Variants in ANKRD18A observed in about 807,000 individuals in gnomAD.
ANKRD18A encodes ankyrin repeat domain-containing protein 18A.
In ANKRD18A, 72 loss-of-function variants were observed where a neutral mutation model predicts 110.6. That is an observed-to-expected ratio of 0.65 (90% CI 0.54 to 0.79). ANKRD18A has a LOEUF of 0.79. Among genes scored for constraint, ANKRD18A ranks in the 30% least tolerant of loss-of-function variants. The pLI is 0.00. For missense variants in ANKRD18A, 934 were observed against 1,163.3 expected, an observed-to-expected ratio of 0.80 and a Z score of 2.87; for synonymous variants, 305 against 410.3, an observed-to-expected ratio of 0.74 and a Z score of 3.10.
At chr9:38,607,715 A>C (rs1298416556) in intron 5 of ANKRD18A, among the ~76,000 whole-genome samples, 1 of 152,236 alleles carries the variant, frequency 6.6e-6, no homozygotes, top group East Asian at 1.9e-4. Context: ...ATAGCTCAGT[A>C]AATTAATTCT....
intron 5 of ANKRD18A, among the ~76,000 whole-genome samples, chr9:38,608,169 A>G (rs996441823): frequency 1.3e-5 from 2 of 152,166 alleles, no homozygotes; most frequent in Admixed American, 6.5e-5. Flanking sequence ...TCATTAAAAC[A>G]TATACTCTAA....
In ANKRD18A at chr9:38,595,732, A is replaced by G; in HGVS notation, c.1608T>C (p.Ile536=). 2 of 1,551,438 alleles carry G rather than the reference A, an allele frequency of 1.3e-6. No individual in the cohort carries two copies. The highest frequency in any genetic ancestry group is 8.7e-7 in the Non-Finnish European group (1 of 1,146,710). Residue 536 remains isoleucine (I), a synonymous_variant, in exon 9 of 16, where the codon ATT becomes ATC. Transcript: ENST00000399703. ...PNGEAKESQS[I]GKQNSLEERI... is the part of the protein sequence containing the mutation. ...TCTCCTCTAAAGAGTTCTGCTTTCC[A>G]ATGGATTGACTTTCTTTAGCTTCTC...
intron 5 of ANKRD18A, 72 bp downstream of exon 5, chr9:38,610,201 A>G (rs1825547412): frequency 7.0e-7 from 1 of 1,438,838 alleles, no homozygotes; most frequent in Non-Finnish European, 9.1e-7. Context: ...CACCTAATGT[A>G]TAAGATGCAA....
chr9:38,603,984 T>C (rs1285345684), intron 6 of ANKRD18A, among the ~76,000 whole-genome samples: 2 of 152,300 alleles, frequency 1.3e-5, no homozygotes, highest in Middle Eastern at 3.4e-3. Context: ...AATGAGCATG[T>C]GGTGTGACCC....
At chr9:38,619,840 GTATATGGCCCCATGTTTTAAACGTGGA>G (rs1222680991) in intron 1 of ANKRD18A, among the ~76,000 whole-genome samples, 1 of 152,198 alleles carries the variant, frequency 6.6e-6, no homozygotes, top group Non-Finnish European at 1.5e-5. Context: ...TCCCTATCAT[GTATATGGCCCCATGTTTTAAACGTGGA>G]TATGCCTAAC....
chr9:38,603,706 T>C lies in ANKRD18A; in HGVS notation c.809-494A>G, dbSNP rs566545384. ...CTATTTGGCCCTTTACAGAGAAAGC[T>C]TGCCAATCCCAGCTTTATACCCTGA... On this transcript the variant is annotated intron_variant, in intron 6 of 15. Transcript: ENST00000399703. Among the ~76,000 whole-genome samples, 1,042 of 152,144 alleles carry C rather than the reference T, an allele frequency of 6.8e-3. 12 individuals are homozygous for C. The highest frequency in any genetic ancestry group is 0.023 in the African/African-American group (965 of 41,488).
chr9:38,575,507 G>C lies in ANKRD18A; in HGVS notation c.2933C>G (p.Thr978Ser). The stretch of plus-strand genomic sequence containing the variant: ...CAAGAAGTTCTTGCAGTTATTTGAA[G>C]TCTGTGGGTTTGAAGTAGGAATTCT... ...AIRIPTSNPQ[T>S]SNNCKNFLTE... The change falls in exon 15 of 16, where the codon ACT becomes AGT. Residue 978 changes from threonine to serine, a missense_variant. Thr to Ser is a moderately conservative substitution (Grantham distance 58). Coordinates refer to ENST00000399703, the MANE Select transcript of ANKRD18A (RefSeq NM_147195.4). 1 of 1,551,650 alleles carries C rather than the reference G, an allele frequency of 6.4e-7. No homozygotes were observed. The highest frequency in any genetic ancestry group is 8.7e-7 in the Non-Finnish European group (1 of 1,146,848).
At chr9:38,583,425 C>T (rs963734252) in intron 12 of ANKRD18A, among the ~76,000 whole-genome samples, 4 of 152,040 alleles carry the variant, frequency 2.6e-5, no homozygotes, top group Admixed American at 2.6e-4. Context: ...GTTCCGTAGC[C>T]CAGGCTGGAG....
chr9:38,608,704 C>G (rs1587536647), intron 5 of ANKRD18A, among the ~76,000 whole-genome samples: 1 of 144,138 alleles, frequency 6.9e-6, no homozygotes, highest in African/African-American at 2.5e-5. Context: ...TAATTATATA[C>G]ATTATATAAT....
At position 38,590,108 on chromosome 9, in the gene ANKRD18A, C is replaced by T. The variant is rs144514566; in HGVS notation, c.2005-1445G>A. Reference sequence around the variant, plus strand: ...AATCTTGAAGGGGGGCTGTCTCACCCTTAGGATATTCACCAGTATACTTTG... The same window carrying T: ...AATCTTGAAGGGGGGCTGTCTCACCTTTAGGATATTCACCAGTATACTTTG... On this transcript the variant is annotated intron_variant, in intron 10 of 15. Coordinates refer to ENST00000399703, the MANE Select transcript of ANKRD18A (RefSeq NM_147195.4). 1.3e-3 allele frequency among the ~76,000 whole-genome samples: 204 copies of T among 152,230 alleles called. 2 individuals carry two copies. Among genetic ancestry groups the T allele is most frequent in the African/African-American group, 4.7e-3 (196 of 41,556 alleles).
intron 6 of ANKRD18A, among the ~76,000 whole-genome samples, chr9:38,605,501 T>A (rs1172978834): frequency 1.3e-5 from 2 of 152,192 alleles, no homozygotes; most frequent in Admixed American, 6.6e-5. Flanking sequence ...GTACAATGCA[T>A]TAGGTGTTAC....
At chr9:38,591,578 T>C (rs1315357382) in intron 10 of ANKRD18A, among the ~76,000 whole-genome samples, 1 of 152,254 alleles carries the variant, frequency 6.6e-6, no homozygotes, top group Non-Finnish European at 1.5e-5. Context: ...TATTTGCTAT[T>C]AGCATGATAA....
At chr9:38,604,677 A>G (rs502966) in intron 6 of ANKRD18A, among the ~76,000 whole-genome samples, 137,614 of 151,134 alleles carry the variant, frequency 0.91, 62,787 homozygotes, top group Middle Eastern at 0.96. Flanking sequence ...TTGAACTTGT[A>G]TCTAGACACA....
At chr9:38,598,797 T>C (rs1385689411) in intron 8 of ANKRD18A, among the ~76,000 whole-genome samples, 1 of 152,224 alleles carries the variant, frequency 6.6e-6, no homozygotes, top group East Asian at 1.9e-4. Context: ...ATATGGCTTG[T>C]GGAACAAGCG....
chr9:38,573,804 C>G (rs566818595), intron 15 of ANKRD18A, among the ~76,000 whole-genome samples: 1 of 151,856 alleles, frequency 6.6e-6, no homozygotes. Context: ...AAACTCTGTC[C>G]TTTACAAAAG....
At chr9:38,577,728 C>A (rs1314066034) in intron 13 of ANKRD18A, 139 bp downstream of exon 13, 2 of 981,076 alleles carry the variant, frequency 2.0e-6, no homozygotes, top group Non-Finnish European at 2.8e-6. Context: ...AAAAAAGTCA[C>A]TTTTTTTCTA....
downstream of ANKRD18A, chr9:38,568,812 C>T (rs1330858093): frequency 2.0e-6 from 2 of 985,202 alleles, no homozygotes; most frequent in Non-Finnish European, 2.4e-6. Flanking sequence ...ACCATAGTGC[C>T]CCTCCCCTCC....
In ANKRD18A at chr9:38,586,250, C is replaced by T. The variant is rs150196189; in HGVS notation, c.2180G>A (p.Ser727Asn). The change falls in exon 12 of 16, where the codon AGT becomes AAT. Residue 727 changes from serine to asparagine, a missense_variant. This residue lies in a region of ANKRD18A where 79 missense variants were observed against 122.8 expected (regional missense o/e 0.64). Transcript: ENST00000399703. ...GTCTGTATTTAAGTCTCCATGGCAA[C>T]TGAAGTCCTCATTTGCAAATGCATT... ...MLNAFANEDF[S>N]CHGDLNTDQL... The T allele has an allele frequency of 0.012, 20,067 of 1,609,200 alleles. 277 individuals carry two copies. The highest frequency in any genetic ancestry group is 0.057 in the African/African-American group (4,265 of 74,858).
In ANKRD18A at chr9:38,577,114, A is replaced by G. The variant is rs1322264227; in HGVS notation, c.2680T>C (p.Phe894Leu). ...YEEVTTELEE[F>L]KEAFAGAVKA... ...ACTGCTCCTGCAAAGGCTTCCTTAA[A>G]TTCTTCTAATTCAGTTGTAACCTCT... The change falls in exon 14 of 16, where the codon TTT (phenylalanine) becomes CTT (leucine). Residue 894 changes from phenylalanine (F) to leucine (L), a missense_variant. Transcript: ENST00000399703. 5 of 1,549,308 alleles carry G rather than the reference A, an allele frequency of 3.2e-6. No individual in the cohort carries two copies. The highest frequency in any genetic ancestry group is 1.7e-6 in the Non-Finnish European group (2 of 1,146,340).
Sources: allele counts gnomAD v4.1 joint callset (sites outside exome capture counted in the v4.1 genomes callset), GRCh38; gene constraint gnomAD v4.1.1; regional missense constraint gnomAD v4.1.1; transcripts MANE v1.5; gene names NCBI Gene and HGNC (gene_info 2026-07-23, HGNC 2026-07-21).